PCDHGA3: variants seen among roughly 807,000 people sequenced by gnomAD.
The protein encoded by PCDHGA3 is protocadherin gamma subfamily A, 3, also known as protocadherin gamma-A3.
Under a neutral mutation model 58.5 loss-of-function variants are expected in PCDHGA3, and 40 were observed. The observed-to-expected ratio is 0.68, with a 90% CI of 0.53 to 0.89. The LOEUF is 0.89. Among genes scored for constraint, PCDHGA3 ranks in the 40% least tolerant of loss-of-function variants. The probability of loss-of-function intolerance (pLI) is 0.00; values close to 1 mark genes in which losing one functional copy is unlikely to be tolerated. For missense variants in PCDHGA3, 1,223 were observed against 1,195.9 expected (o/e 1.02, Z -0.33); for synonymous variants, 530 against 525.7 (o/e 1.01, Z -0.11).
intron 1 of PCDHGA3, chr5:141,404,765 T>A: frequency 6.2e-7 from 1 of 1,613,120 alleles, no homozygotes; most frequent in Non-Finnish European, 8.5e-7. Context: ...TGCTTGGCTC[T>A]CCTACCGCCT....
rs1263728099 is a variant in PCDHGA3, at chr5:141,476,079, G to T, written c.2425-18728G>T. Reference sequence around the variant, plus strand: ...AGTTTCTCAGCGAAATCTCAGGGACGATCTGGACCCCGCTGAGAGGAACTG... The same window carrying T: ...AGTTTCTCAGCGAAATCTCAGGGACTATCTGGACCCCGCTGAGAGGAACTG... On this transcript the variant is annotated intron_variant, in intron 1 of 3. Coordinates refer to ENST00000253812, the MANE Select transcript of PCDHGA3 (RefSeq NM_018916.4). This position sits in a 1 kb window ranked among gnomAD's most constrained non-coding sequence, Gnocchi z 7.6. 3 of 1,537,560 alleles carry T rather than the reference G, an allele frequency of 2.0e-6. No homozygotes were observed. Among genetic ancestry groups the T allele is most frequent in the African/African-American group, 1.4e-5 (1 of 72,808 alleles).
intron 1 of PCDHGA3, chr5:141,364,794 C>T (rs1763540796): frequency 6.2e-7 from 1 of 1,613,872 alleles, no homozygotes; most frequent in Non-Finnish European, 8.5e-7. Context: ...TTAGTGCTTC[C>T]CTTCGCGCGG....
At chr5:141,394,278 TACTC>T in intron 1 of PCDHGA3, 1 of 1,613,924 alleles carries the variant, frequency 6.2e-7, no homozygotes, top group East Asian at 2.2e-5. Flanking sequence ...CCAGGTCACT[TACTC>T]TGTGACCGAG....
chr5:141,372,093 C>T (rs775337385), intron 1 of PCDHGA3: 1 of 1,613,786 alleles, frequency 6.2e-7, no homozygotes, highest in Admixed American at 1.7e-5. Flanking sequence ...GTACCCAGCT[C>T]TGGGGCCCGA....
chr5:141,477,878 C>T lies in PCDHGA3; in HGVS notation c.2425-16929C>T. On this transcript the variant is annotated intron_variant, in intron 1 of 3. Coordinates refer to ENST00000253812, the MANE Select transcript of PCDHGA3 (RefSeq NM_018916.4). The surrounding 1 kb of genome is among the most constrained non-coding windows in gnomAD (Gnocchi z 4.9). ...GCTGCCTCGAGGTACCTCAGCTGGC[C>T]ACCTAGTGTCACGGGTGGTAGGCTG... 2.5e-6 allele frequency: 4 copies of T among 1,614,158 alleles called. No individual in the cohort carries two copies. Among genetic ancestry groups the T allele is most frequent in the Non-Finnish European group, 3.4e-6 (4 of 1,180,008 alleles).
intron 1 of PCDHGA3, chr5:141,427,597 T>C: frequency 1.5e-6 from 1 of 682,152 alleles, no homozygotes; most frequent in Non-Finnish European, 2.7e-6. Context: ...AGCCTCACCC[T>C]ACGCATTGGT....
intron 1 of PCDHGA3, among the ~76,000 whole-genome samples, chr5:141,402,058 TA>T: frequency 6.6e-6 from 1 of 152,304 alleles, no homozygotes; most frequent in South Asian, 2.1e-4. Flanking sequence ...ATATTCACAT[TA>T]AAAAACTAAG....
intron 1 of PCDHGA3, chr5:141,351,424 CAAA>C (rs748407300): frequency 1.8e-4 from 295 of 1,611,554 alleles, no homozygotes; most frequent in Non-Finnish European, 2.4e-4. Context: ...AAGTTCCTTT[CAAA>C]TTAGAATCCA....
intron 1 of PCDHGA3, chr5:141,365,787 G>A (rs1764122554): frequency 1.2e-6 from 2 of 1,613,864 alleles, no homozygotes; most frequent in Middle Eastern, 1.6e-4. Context: ...GACAACGCTC[G>A]AGTCACCTAC....
chr5:141,413,567 A>G (rs950241336), intron 1 of PCDHGA3: 2 of 1,613,936 alleles, frequency 1.2e-6, no homozygotes, highest in Admixed American at 1.7e-5. Context: ...ACTGATATCA[A>G]TGACAATGCT....
chr5:141,478,660 T>C, intron 1 of PCDHGA3: 2 of 1,551,848 alleles, frequency 1.3e-6, no homozygotes, highest in Non-Finnish European at 1.7e-6. Flanking sequence ...TGGTGATGCA[T>C]TCACACTTTC....
intron 1 of PCDHGA3, among the ~76,000 whole-genome samples, chr5:141,368,579 A>G (rs28694549): frequency 0.14 from 21,947 of 152,060 alleles, 2,144 homozygotes; most frequent in African/African-American, 0.28. Flanking sequence ...TCTTAGGGTA[A>G]GGTGTTTGGG....
At chr5:141,421,619 C>G in intron 1 of PCDHGA3, 1 of 1,613,694 alleles carries the variant, frequency 6.2e-7, no homozygotes, top group Non-Finnish European at 8.5e-7. Flanking sequence ...AATGATAACG[C>G]CCCCAGCTTC....
chr5:141,432,949 CG>C lies in PCDHGA3; in HGVS notation c.2425-61856del, dbSNP rs930064840. 6.2e-7 allele frequency: 1 copy of C among 1,614,066 alleles called. No individual in the cohort carries two copies. Among genetic ancestry groups the C allele is most frequent in the African/African-American group, 1.3e-5 (1 of 74,930 alleles). ...CACGCCTGCTGCAGGCTTCAGGAGG[CG>C]GCTTGACAGGAGCGCCGGCGTCGCA... On this transcript the variant is annotated intron_variant, in intron 1 of 3. Transcript: ENST00000253812. This position sits in a 1 kb window ranked among gnomAD's most constrained non-coding sequence, Gnocchi z 6.0.
At chr5:141,403,524 A>T in intron 1 of PCDHGA3, 1 of 1,613,890 alleles carries the variant, frequency 6.2e-7, no homozygotes. Context: ...GGAGCCATAA[A>T]CCCAGAGCTG....
At chr5:141,381,826 C>CTTTTTTTTT (rs770630741) in intron 1 of PCDHGA3, among the ~76,000 whole-genome samples, 22 of 74,282 alleles carry the variant, frequency 3.0e-4, no homozygotes, top group African/African-American at 5.6e-4. Context: ...CTTTCTTCTT[C>CTTTTTTTTT]TTTTTTTTTT....
At chr5:141,429,169 T>TACACACACACACACACAC (rs10667977) in intron 1 of PCDHGA3, 2 of 145,394 alleles carry the variant, frequency 1.4e-5, no homozygotes, top group African/African-American at 5.1e-5. Flanking sequence ...ACATTGTTTA[T>TACACACACACACACACAC]ACACACACAC....
At chr5:141,405,203 C>A in intron 1 of PCDHGA3, 2 of 1,613,520 alleles carry the variant, frequency 1.2e-6, no homozygotes, top group Non-Finnish European at 1.7e-6. Flanking sequence ...AGCTTTCCTA[C>A]AGACCTATTC....
chr5:141,476,699 G>C lies in PCDHGA3; in HGVS notation c.2425-18108G>C. 1 of 1,614,222 alleles carries C rather than the reference G, an allele frequency of 6.2e-7. No individual in the cohort carries two copies. The highest frequency in any genetic ancestry group is 8.5e-7 in the Non-Finnish European group (1 of 1,180,042). ...GCGGGAGGACAGCACCAAGTACGCG[G>C]AGCTGGTGTTGGAGCGCGCCCTGGA... is the stretch of plus-strand genomic sequence containing the variant. On this transcript the variant is annotated intron_variant, in intron 1 of 3. Transcript: ENST00000253812. The surrounding 1 kb of genome is among the most constrained non-coding windows in gnomAD (Gnocchi z 7.6).
Sources: gnomAD v4.1 joint callset for allele counts (sites outside exome capture counted in the v4.1 genomes callset) on GRCh38, gnomAD v4.1.1 for gene constraint, Gnocchi (gnomAD v3.1) non-coding constraint, MANE v1.5 for transcripts, NCBI Gene and HGNC (gene_info 2026-07-23, HGNC 2026-07-21) for gene names.